Variants in ARHGEF19 observed in about 807,000 individuals in gnomAD.
The protein encoded by ARHGEF19 is Rho guanine nucleotide exchange factor 19.
ARHGEF19 carries 92 observed loss-of-function variants against 87.6 expected under a neutral mutation model. The observed-to-expected ratio is 1.05, with a 90% CI of 0.89 to 1.25. The LOEUF is 1.25. ARHGEF19 is among the 50% of genes most tolerant of loss of function. The pLI, the probability that ARHGEF19 is intolerant of heterozygous loss-of-function variation, is 0.00. For synonymous variants in ARHGEF19, 438 were observed against 446.2 expected (o/e 0.98, Z 0.23); for missense variants, 1,054 against 1,051.8 (o/e 1.00, Z -0.03).
At position 16,208,244 on chromosome 1, in the gene ARHGEF19, A is replaced by G. The variant is rs1260288573; in HGVS notation, c.413-19T>C. The G allele has an allele frequency of 6.2e-7, 1 of 1,606,646 alleles. No individual in the cohort carries two copies. Among genetic ancestry groups the G allele is most frequent in the Non-Finnish European group, 8.5e-7 (1 of 1,175,534 alleles). On this transcript the variant is annotated intron_variant, in intron 2 of 15. Transcript: ENST00000270747. ...TTGCGCCCTAGGGTTGGGGGCAAGG[A>G]GTGAGAGCACGGGCTGGGGTCTCCC...
chr1:16,202,860 TGTTA>T (rs2081095187), intron 12 of ARHGEF19, among the ~76,000 whole-genome samples: 1 of 151,740 alleles, frequency 6.6e-6, no homozygotes, highest in Admixed American at 6.6e-5. Context: ...TTTTTTTATT[TGTTA>T]GTTTTTTGGC....
At position 16,205,272 on chromosome 1, in the gene ARHGEF19, C is replaced by T; in HGVS notation, c.1656+79G>A. On this transcript the variant is annotated intron_variant, in intron 10 of 15. Coordinates refer to ENST00000270747, the MANE Select transcript of ARHGEF19 (RefSeq NM_153213.5). The surrounding 1 kb of genome is among the most constrained non-coding windows in gnomAD (Gnocchi z 5.8). The stretch of plus-strand genomic sequence containing the variant: ...GCCTGGGGACCGGAGACTCTGACAG[C>T]TGGGGGCTGTTTTAGAGACGTGCTG... 6.2e-7 allele frequency: 1 copy of T among 1,607,314 alleles called. No homozygotes were observed. The highest frequency in any genetic ancestry group is 2.2e-5 in the East Asian group (1 of 44,786).
At chr1:16,208,567 AG>A (rs753267626) in intron 2 of ARHGEF19, 75 bp downstream of exon 2, 7 of 1,474,450 alleles carry the variant, frequency 4.7e-6, no homozygotes, top group Non-Finnish European at 6.3e-6. Context: ...TGGGACATAA[AG>A]GTTAAGGAGC....
chr1:16,203,226 G>A (rs1287033840), intron 12 of ARHGEF19, among the ~76,000 whole-genome samples: 2 of 151,588 alleles, frequency 1.3e-5, no homozygotes, highest in Admixed American at 6.6e-5. Flanking sequence ...AACAAAACTC[G>A]GCATCAGAAA....
chr1:16,200,762 G>A (rs1370535348), intron 14 of ARHGEF19, among the ~76,000 whole-genome samples: 5 of 150,720 alleles, frequency 3.3e-5, no homozygotes, highest in East Asian at 3.9e-4. Context: ...AAAGCCAGGC[G>A]TGGTGGCAAG....
Position 16,205,438 on chromosome 1 carries a change from A to C in ARHGEF19, c.1582-13T>G. 6.2e-7 allele frequency: 1 copy of C among 1,611,592 alleles called. No homozygotes were observed. Among genetic ancestry groups the C allele is most frequent in the East Asian group, 2.2e-5 (1 of 44,842 alleles). ...GCTTCAGGATGTTCTGGAAGGTGGG[A>C]TCAGCACAATGAGGCAGTCCTCATA... On this transcript the variant is annotated splice_polypyrimidine_tract_variant and intron_variant, in intron 9 of 15. Coordinates refer to ENST00000270747, the MANE Select transcript of ARHGEF19 (RefSeq NM_153213.5). The surrounding 1 kb of genome is among the most constrained non-coding windows in gnomAD (Gnocchi z 5.8).
In ARHGEF19 at chr1:16,198,419, G is replaced by A; in HGVS notation, c.*168C>T. 1.4e-6 allele frequency: 1 copy of A among 715,484 alleles called. No individual in the cohort carries two copies. Among genetic ancestry groups the A allele is most frequent in the Non-Finnish European group, 2.1e-6 (1 of 467,048 alleles). The allele number at this position is 715,484 out of a possible 1,614,324, so 44.3% of individuals were successfully genotyped here. A position where few individuals can be genotyped will look rare whatever the true frequency, so the allele number is the denominator to read the frequency against. The stretch of plus-strand genomic sequence containing the variant: ...ACACTGAGGAGCATGAGGACGGAGA[G>A]ACCCTCTGGAGGCGCCCCCATTCCT... On this transcript the variant is annotated 3_prime_UTR_variant, in exon 16 of 16. Coordinates refer to ENST00000270747, the MANE Select transcript of ARHGEF19 (RefSeq NM_153213.5). The surrounding 1 kb of genome is among the most constrained non-coding windows in gnomAD (Gnocchi z 4.1).
rs1165444476 is a variant in ARHGEF19, at chr1:16,207,108, TC to T, written c.976del (p.Glu326ArgfsTer45). The T allele has an allele frequency of 1.3e-6, 2 of 1,510,732 alleles. No individual in the cohort carries two copies. Among genetic ancestry groups the T allele is most frequent in the Non-Finnish European group, 1.8e-6 (2 of 1,133,952 alleles). 93.6% of individuals were successfully genotyped at this position (1,510,732 alleles called of 1,614,324 possible). A position where few individuals can be genotyped will look rare whatever the true frequency, so the allele number is the denominator to read the frequency against. On this transcript the variant is annotated frameshift_variant, in exon 6 of 16. Coordinates refer to ENST00000270747, the MANE Select transcript of ARHGEF19 (RefSeq NM_153213.5). LOFTEE classifies it high-confidence loss of function. The surrounding 1 kb of genome is among the most constrained non-coding windows in gnomAD (Gnocchi z 4.0). ...GTTGGCCCGCGGCGGCCCCGGCCCCTCCTCTGCGCCCTCGGCCTCGTCCCCC... is the reference window on the plus strand; with the variant it reads ...GTTGGCCCGCGGCGGCCCCGGCCCCTCTCTGCGCCCTCGGCCTCGTCCCCC... ...GPGDEAEGAE[E>X]GPGPPRANLS...
At position 16,198,743 on chromosome 1, in the gene ARHGEF19, G is replaced by A; in HGVS notation, c.2253C>T (p.Gly751=). The A allele has an allele frequency of 6.3e-7, 1 of 1,598,782 alleles. No homozygotes were observed. ...CTGCCAGGCGGACCCCTTCCAGCCAGCCTAGGGACACATAGGCCAAGAACA... is the reference window on the plus strand; with the variant it reads ...CTGCCAGGCGGACCCCTTCCAGCCAACCTAGGGACACATAGGCCAAGAACA... ...ILSVRTWTSD[G]WLEGVRLADG... is the part of the protein sequence containing the mutation. Residue 751 remains glycine (G), a splice_region_variant and synonymous_variant, in exon 16 of 16, where the codon GGC becomes GGT. Coordinates refer to ENST00000270747, the MANE Select transcript of ARHGEF19 (RefSeq NM_153213.5). This position sits in a 1 kb window ranked among gnomAD's most constrained non-coding sequence, Gnocchi z 4.1.
Position 16,205,485 on chromosome 1 carries a change from A to C in ARHGEF19, c.1581+53T>G. On this transcript the variant is annotated intron_variant, in intron 9 of 15. Coordinates refer to ENST00000270747, the MANE Select transcript of ARHGEF19 (RefSeq NM_153213.5). The surrounding 1 kb of genome is among the most constrained non-coding windows in gnomAD (Gnocchi z 5.8). ...CATACTCCCGAGACCCGGCCCGCCC[A>C]CAGGTGTATCTCCCTCGCCCAGCCC... 6.2e-7 allele frequency: 1 copy of C among 1,612,692 alleles called. No homozygotes were observed. Among genetic ancestry groups the C allele is most frequent in the South Asian group, 1.1e-5 (1 of 91,010 alleles).
At position 16,205,720 on chromosome 1, in the gene ARHGEF19, C is replaced by T; in HGVS notation, c.1452-53G>A. 1 of 1,554,908 alleles carries T rather than the reference C, an allele frequency of 6.4e-7. No homozygotes were observed. Among genetic ancestry groups the T allele is most frequent in the Non-Finnish European group, 8.7e-7 (1 of 1,151,744 alleles). ...ACAGGTAGGCCTGAATTCCTGGGAT[C>T]CACAACCCTGGCCATCCACGGGGTC... On this transcript the variant is annotated intron_variant, in intron 8 of 15. Transcript: ENST00000270747. The surrounding 1 kb of genome is among the most constrained non-coding windows in gnomAD (Gnocchi z 5.8).
Position 16,198,774 on chromosome 1 carries a change from AT to A in ARHGEF19, c.2252-31del. On this transcript the variant is annotated intron_variant, in intron 15 of 15. Coordinates refer to ENST00000270747, the MANE Select transcript of ARHGEF19 (RefSeq NM_153213.5). This position sits in a 1 kb window ranked among gnomAD's most constrained non-coding sequence, Gnocchi z 4.1. Reference sequence around the variant, plus strand: ...GGACACATAGGCCAAGAACAACAGCATCAAAGGGGTACCAGGGCCAGGCCTG... The same window carrying A: ...GGACACATAGGCCAAGAACAACAGCACAAAGGGGTACCAGGGCCAGGCCTG... 1 of 1,568,250 alleles carries A rather than the reference AT, an allele frequency of 6.4e-7. No individual in the cohort carries two copies. The highest frequency in any genetic ancestry group is 8.7e-7 in the Non-Finnish European group (1 of 1,154,274).
intron 1 of ARHGEF19, among the ~76,000 whole-genome samples, chr1:16,210,629 G>T (rs1193469398): frequency 2.6e-5 from 4 of 152,204 alleles, no homozygotes; most frequent in African/African-American, 9.6e-5. Flanking sequence ...GAGACAGATG[G>T]ACAAACATTT....
In ARHGEF19 at chr1:16,205,808, C is replaced by A; in HGVS notation, c.1451+123G>T. The A allele has an allele frequency of 6.7e-7, 1 of 1,491,334 alleles. No individual in the cohort carries two copies. The highest frequency in any genetic ancestry group is 1.3e-5 in the South Asian group (1 of 75,890). 92.4% of individuals were successfully genotyped at this position (1,491,334 alleles called of 1,614,324 possible). A position where few individuals can be genotyped will look rare whatever the true frequency, so the allele number is the denominator to read the frequency against. ...GGGTTGCATCTCACCTTATCCTGGT[C>A]ACAGAGACCTTTTCAGGGACCCCTC... On this transcript the variant is annotated intron_variant, in intron 8 of 15. Transcript: ENST00000270747. The surrounding 1 kb of genome is among the most constrained non-coding windows in gnomAD (Gnocchi z 5.8).
intron 11 of ARHGEF19, 80 bp from the exon 12 acceptor site, chr1:16,204,999 A>G: frequency 1.3e-6 from 2 of 1,563,090 alleles, no homozygotes; most frequent in Non-Finnish European, 1.7e-6. Context: ...GGGTGTGGGC[A>G]GCGATTAACT....
chr1:16,204,710 G>A, intron 12 of ARHGEF19, 49 bp downstream of exon 12: 1 of 1,516,738 alleles, frequency 6.6e-7, no homozygotes, highest in Non-Finnish European at 8.8e-7. Context: ...TGGGGAGGAA[G>A]AGAGCCTGGC....
chr1:16,207,411 C>T lies in ARHGEF19; in HGVS notation c.874+111G>A. Reference sequence around the variant, plus strand: ...TGCTAGATACCGACAGTTCCATTCTCCGTTTCTCACTCGATCCCTACCTCT... The same window carrying T: ...TGCTAGATACCGACAGTTCCATTCTTCGTTTCTCACTCGATCCCTACCTCT... On this transcript the variant is annotated intron_variant, in intron 5 of 15. Transcript: ENST00000270747. This position sits in a 1 kb window ranked among gnomAD's most constrained non-coding sequence, Gnocchi z 4.0. The T allele has an allele frequency of 1.4e-6, 2 of 1,429,422 alleles. No individual in the cohort carries two copies. The highest frequency in any genetic ancestry group is 1.4e-5 in the African/African-American group (1 of 70,432). 88.5% of individuals were successfully genotyped at this position (1,429,422 alleles called of 1,614,324 possible).
rs915386893 is a variant in ARHGEF19, at chr1:16,206,675, C to T, written c.1137+273G>A. On this transcript the variant is annotated intron_variant, in intron 6 of 15. Coordinates refer to ENST00000270747, the MANE Select transcript of ARHGEF19 (RefSeq NM_153213.5). The surrounding 1 kb of genome is among the most constrained non-coding windows in gnomAD (Gnocchi z 4.6). ...CTCTTCCAATGGTTCCGCTCCTCAT[C>T]CGGCCCTGTCCTATCCTAGGTTTCG... The T allele has an allele frequency of 8.5e-6, 4 of 468,918 alleles. No individual in the cohort carries two copies. The highest frequency in any genetic ancestry group is 1.5e-5 in the Non-Finnish European group (4 of 264,412). The allele number at this position is 468,918 out of a possible 1,614,324, so 29.0% of individuals were successfully genotyped here. A position where few individuals can be genotyped will look rare whatever the true frequency, so the allele number is the denominator to read the frequency against.
At chr1:16,202,692 C>T (rs1427152765) in intron 12 of ARHGEF19, 118 bp from the exon 13 acceptor site, 14 of 1,325,316 alleles carry the variant, frequency 1.1e-5, no homozygotes, top group Admixed American at 4.6e-5. Context: ...GCCCTGCCAG[C>T]GTTCTCACAG....
Sources: gnomAD v4.1 joint callset for allele counts (sites outside exome capture counted in the v4.1 genomes callset) on GRCh38, gnomAD v4.1.1 for gene constraint, Gnocchi (gnomAD v3.1) non-coding constraint, MANE v1.5 for transcripts, NCBI Gene and HGNC (gene_info 2026-07-23, HGNC 2026-07-21) for gene names.